Variants in CWH43 observed in about 807,000 individuals in gnomAD.
The protein encoded by CWH43 is cell wall biogenesis 43 C-terminal homolog.
CWH43 carries 91 observed loss-of-function variants against 85.7 expected under a neutral mutation model. That is an observed-to-expected ratio of 1.06 (90% CI 0.90 to 1.26). The LOEUF is 1.26. Among genes scored for constraint, CWH43 ranks in the 50% most tolerant of loss-of-function variants. CWH43 has a pLI of 0.00. For synonymous variants in CWH43, 323 were observed against 293.6 expected (o/e 1.10, Z -1.02); for missense variants, 869 against 839.2 (o/e 1.04, Z -0.44).
intron 2 of CWH43, among the ~76,000 whole-genome samples, chr4:48,990,161 TAAAA>T (rs1782614989): frequency 6.6e-6 from 1 of 152,214 alleles, no homozygotes; most frequent in Admixed American, 6.5e-5. Flanking sequence ...GGATGTGATA[TAAAA>T]TAAGTTTGGG....
chr4:49,034,040 C>A (rs188047136), intron 12 of CWH43, among the ~76,000 whole-genome samples: 98 of 152,262 alleles, frequency 6.4e-4, no homozygotes, highest in Non-Finnish European at 1.2e-3. Flanking sequence ...AAACTCAGAT[C>A]ATAAATAATA....
At chr4:49,017,403 C>A (rs1783587636) in intron 9 of CWH43, 75 bp downstream of exon 9, 5 of 1,057,658 alleles carry the variant, frequency 4.7e-6, no homozygotes, top group South Asian at 3.0e-5. Flanking sequence ...ATTTACCATT[C>A]TGATTGAACC....
chr4:49,039,044 C>T (rs559639428), intron 13 of CWH43, among the ~76,000 whole-genome samples: 10 of 146,644 alleles, frequency 6.8e-5, no homozygotes, highest in Admixed American at 2.8e-4. Context: ...GGTGACAGAG[C>T]GAGACTCTGT....
chr4:49,045,142 G>A (rs1241685165), intron 14 of CWH43, among the ~76,000 whole-genome samples: 1 of 152,088 alleles, frequency 6.6e-6, no homozygotes, highest in Non-Finnish European at 1.5e-5. Flanking sequence ...GGGAGGAATG[G>A]CACCATTTTT....
chr4:48,988,934 G>T (rs1385470067), intron 2 of CWH43, among the ~76,000 whole-genome samples: 1 of 152,146 alleles, frequency 6.6e-6, no homozygotes, highest in East Asian at 1.9e-4. Context: ...GAACTGATCA[G>T]CTCTTGAATA....
intron 6 of CWH43, among the ~76,000 whole-genome samples, chr4:49,000,035 G>A (rs528810904): frequency 6.6e-6 from 1 of 151,968 alleles, no homozygotes; most frequent in East Asian, 1.9e-4. Context: ...AATGATTATA[G>A]TCAGGTTTTC....
At chr4:49,010,311 T>C (rs1783313033) in intron 8 of CWH43, among the ~76,000 whole-genome samples, 1 of 152,250 alleles carries the variant, frequency 6.6e-6, no homozygotes, top group African/African-American at 2.4e-5. Context: ...TTCTGTGGGA[T>C]TGAAGGTGAT....
intron 14 of CWH43, among the ~76,000 whole-genome samples, chr4:49,047,329 A>G (rs1784653899): frequency 6.6e-6 from 1 of 152,214 alleles, no homozygotes; most frequent in Non-Finnish European, 1.5e-5. Context: ...ATAGGGATAA[A>G]GCTGTAAACA....
At chr4:49,012,953 C>T (rs1783412708) in intron 8 of CWH43, among the ~76,000 whole-genome samples, 1 of 152,224 alleles carries the variant, frequency 6.6e-6, no homozygotes, top group Non-Finnish European at 1.5e-5. Flanking sequence ...GGGTCAGGGA[C>T]CTACATGAGG....
At position 49,007,321 on chromosome 4, in the gene CWH43, AACTT is replaced by A. The variant is rs1192725930; in HGVS notation, c.1182_1185del (p.Lys394AsnfsTer14). ...TTCAGAAAGAGTGAAAAATACATGA[AACTT>A]TGTAAGTATAGTTTTACATTCTTAA... On this transcript the variant is annotated frameshift_variant and splice_region_variant, in exon 8 of 16. Coordinates refer to ENST00000226432, the MANE Select transcript of CWH43 (RefSeq NM_025087.3). LOFTEE classifies it high-confidence loss of function. 1 of 1,592,004 alleles carries A rather than the reference AACTT, an allele frequency of 6.3e-7. No homozygotes were observed. The highest frequency in any genetic ancestry group is 1.8e-5 in the Admixed American group (1 of 56,554).
chr4:49,003,729 A>G lies in CWH43; in HGVS notation c.803-6A>G, dbSNP rs1471056457. The stretch of plus-strand genomic sequence containing the variant: ...CCTGTCTGATTCTTTTCTCTCTCAC[A>G]AACAGGAACAGCTTCAGCTGCGGGG... On this transcript the variant is annotated splice_region_variant and splice_polypyrimidine_tract_variant and intron_variant, in intron 6 of 15. Coordinates refer to ENST00000226432, the MANE Select transcript of CWH43 (RefSeq NM_025087.3). 4 of 1,613,240 alleles carry G rather than the reference A, an allele frequency of 2.5e-6. No homozygotes were observed. Among genetic ancestry groups the G allele is most frequent in the Non-Finnish European group, 3.4e-6 (4 of 1,179,694 alleles).
intron 14 of CWH43, among the ~76,000 whole-genome samples, chr4:49,046,308 C>CCATTCATT (rs3038725): frequency 4.6e-5 from 7 of 150,542 alleles, no homozygotes; most frequent in African/African-American, 7.3e-5. Flanking sequence ...GAGGGACTAA[C>CCATTCATT]CATTCATTCA....
intron 10 of CWH43, among the ~76,000 whole-genome samples, chr4:49,030,453 C>A (rs139160725): frequency 1.2e-4 from 18 of 152,306 alleles, no homozygotes; most frequent in Non-Finnish European, 2.2e-4. Context: ...TGGGTCAGTA[C>A]TATGGAGCTG....
intron 13 of CWH43, among the ~76,000 whole-genome samples, chr4:49,042,489 C>A (rs943608638): frequency 1.3e-5 from 2 of 152,062 alleles, no homozygotes; most frequent in African/African-American, 4.8e-5. Context: ...ATTTGTGGGA[C>A]ATTAATGGAG....
chr4:49,032,850 G>T, intron 12 of CWH43, 135 bp downstream of exon 12: 1 of 1,143,320 alleles, frequency 8.7e-7, no homozygotes, highest in Non-Finnish European at 1.2e-6. Context: ...TGCGTTGCTG[G>T]TTTTAAAAAT....
chr4:49,060,350 G>C (rs1237364098), intron 15 of CWH43, among the ~76,000 whole-genome samples: 1 of 152,074 alleles, frequency 6.6e-6, no homozygotes, highest in East Asian at 1.9e-4. Context: ...GGGGCTTTTG[G>C]GGGTGGCCCG....
At chr4:49,051,073 G>GCAT (rs1560515920) in intron 15 of CWH43, among the ~76,000 whole-genome samples, 1 of 152,098 alleles carries the variant, frequency 6.6e-6, no homozygotes, top group Admixed American at 6.6e-5. Context: ...AAAGTTCACA[G>GCAT]CATCATCATC....
At position 49,033,454 on chromosome 4, in the gene CWH43, G is replaced by T. The variant is rs554512899; in HGVS notation, c.1658+739G>T. 9.2e-5 allele frequency among the ~76,000 whole-genome samples: 14 copies of T among 152,224 alleles called. No homozygotes were observed. In the East Asian group the frequency reaches 2.5e-3, roughly 27 times the overall value. ...GCTTGCCCTGGCAAGCTCTCTCCTT[G>T]ATGGAAAGAAGAGGACGGAAAACAG... On this transcript the variant is annotated intron_variant, in intron 12 of 15. Transcript: ENST00000226432.
At chr4:49,014,492 C>T (rs1362180258) in intron 8 of CWH43, among the ~76,000 whole-genome samples, 1 of 150,372 alleles carries the variant, frequency 6.7e-6, no homozygotes, top group Non-Finnish European at 1.5e-5. Context: ...AGAAAAGATT[C>T]TATTTAAACT....
Sources: gnomAD v4.1 joint callset for allele counts (sites outside exome capture counted in the v4.1 genomes callset) on GRCh38, gnomAD v4.1.1 for gene constraint, MANE v1.5 for transcripts, NCBI Gene and HGNC (gene_info 2026-07-23, HGNC 2026-07-21) for gene names.